DSP: variants seen among roughly 807,000 people sequenced by gnomAD.
The protein encoded by DSP is 250/210 kDa paraneoplastic pemphigus antigen.
In DSP, 114 loss-of-function variants were observed where a neutral mutation model predicts 290.6. The observed-to-expected ratio is 0.39, with a 90% confidence interval of 0.34 to 0.46. The LOEUF is 0.46. Ranked by LOEUF, DSP falls within the 20% of genes least tolerant of loss-of-function variation. The pLI is 0.99. For synonymous variants in DSP, 1,311 were observed against 1,316.4 expected (o/e 1.00, Z 0.09); for missense variants, 3,230 against 3,495.8 (o/e 0.92, Z 1.92).
chr6:7,557,670 GCT>G (rs1377724178), intron 2 of DSP, among the ~76,000 whole-genome samples: 1 of 151,936 alleles, frequency 6.6e-6, no homozygotes, highest in African/African-American at 2.4e-5. Context: ...ACAGAGCAAG[GCT>G]CTGTCTCAAA....
chr6:7,566,249 A>G (rs1398686777), intron 7 of DSP, 128 bp from the exon 8 acceptor site: 3 of 773,760 alleles, frequency 3.9e-6, no homozygotes, highest in African/African-American at 3.4e-5. Context: ...TGAGGAAAAC[A>G]GCGTGATTCT....
At chr6:7,557,350 C>T (rs1201911309) in intron 2 of DSP, among the ~76,000 whole-genome samples, 1 of 152,164 alleles carries the variant, frequency 6.6e-6, no homozygotes, top group African/African-American at 2.4e-5. Flanking sequence ...TTGATTGGCC[C>T]AATACAGTTA....
In DSP at chr6:7,582,785, A is replaced by C. The variant is rs730882116; in HGVS notation, c.5523A>C (p.Ser1841=). The change falls in exon 24 of 24, where the codon TCA becomes TCC. Residue 1841 remains serine, a synonymous_variant. Transcript: ENST00000379802. The surrounding 1 kb of genome is among the most constrained non-coding windows in gnomAD (Gnocchi z 4.2). Reference sequence around the variant, plus strand: ...AGGATGAGCTGAATCGTGCAAAATCAACTCTAGAGGCAGAAACCAGGGTGA... The same window carrying C: ...AGGATGAGCTGAATCGTGCAAAATCCACTCTAGAGGCAGAAACCAGGGTGA... ...RLEDELNRAK[S]TLEAETRVKQ... is the part of the protein sequence containing the mutation. 8.9e-5 allele frequency: 144 copies of C among 1,613,916 alleles called. No homozygotes were observed. Among genetic ancestry groups the C allele is most frequent in the Non-Finnish European group, 1.1e-4 (129 of 1,180,000 alleles).
Position 7,577,844 on chromosome 6 carries a change from G to A in DSP, c.2943G>A (p.Lys981=), listed in dbSNP as rs1759289123. 1 of 1,614,048 alleles carries A rather than the reference G, an allele frequency of 6.2e-7. No homozygotes were observed. The highest frequency in any genetic ancestry group is 1.7e-5 in the Admixed American group (1 of 59,998). The change falls in exon 21 of 24, where the codon AAG becomes AAA. Residue 981 remains lysine (K), a synonymous_variant. Coordinates refer to ENST00000379802, the MANE Select transcript of DSP (RefSeq NM_004415.4). Reference sequence around the variant, plus strand: ...AAACTCTGCTGAACATACCTATCAAGAGGACCATGATTCAGTCCCCTTCTG... The same window carrying A: ...AAACTCTGCTGAACATACCTATCAAAAGGACCATGATTCAGTCCCCTTCTG... The part of the protein sequence containing the change: ...GLETLLNIPI[K]RTMIQSPSGV...
At chr6:7,555,964 A>C (rs1758496751) in intron 2 of DSP, 144 bp downstream of exon 2, 2 of 742,462 alleles carry the variant, frequency 2.7e-6, no homozygotes, top group Non-Finnish European at 4.7e-6. Context: ...CAGACTACAG[A>C]GAGATGTGTG....
At chr6:7,573,286 A>G (rs1759117118) in intron 15 of DSP, among the ~76,000 whole-genome samples, 1 of 152,168 alleles carries the variant, frequency 6.6e-6, no homozygotes. Context: ...TAAAAAAGAA[A>G]GAGATCCTGG....
Position 7,565,589 on chromosome 6 carries a change from G to A in DSP, c.939+69G>A. 1.3e-6 allele frequency: 2 copies of A among 1,576,828 alleles called. No homozygotes were observed. Among genetic ancestry groups the A allele is most frequent in the Non-Finnish European group, 1.7e-6 (2 of 1,148,234 alleles). On this transcript the variant is annotated intron_variant, in intron 7 of 23. Transcript: ENST00000379802. The surrounding 1 kb of genome is among the most constrained non-coding windows in gnomAD (Gnocchi z 4.2). ...TTGCCTTGAAGAGCTGGGGTCTCGGGGAATGATTGGTCTATTAATAATTTA... is the reference window on the plus strand; with the variant it reads ...TTGCCTTGAAGAGCTGGGGTCTCGGAGAATGATTGGTCTATTAATAATTTA...
intron 1 of DSP, among the ~76,000 whole-genome samples, chr6:7,543,536 A>G (rs909034525): frequency 2.6e-5 from 4 of 151,628 alleles, no homozygotes; most frequent in African/African-American, 7.3e-5. Flanking sequence ...TTTTCATTAC[A>G]TTTGTTTTAA....
At chr6:7,564,882 C>T (rs952592823) in intron 6 of DSP, among the ~76,000 whole-genome samples, 18 of 152,124 alleles carry the variant, frequency 1.2e-4, no homozygotes, top group African/African-American at 4.1e-4. Flanking sequence ...TGGTGGCTCA[C>T]GCCCATAATT....
chr6:7,575,513 TC>T lies in DSP; in HGVS notation c.2630+29del, dbSNP rs776595278. 4.6e-5 allele frequency: 75 copies of T among 1,613,600 alleles called. No homozygotes were observed. In the East Asian group the frequency reaches 1.4e-3, roughly 29 times the overall value. ...GGTATGCCAGCCTCCTCCCGCTCCT[TC>T]CCCATCTTCTCCCCTTTTGGTTGTT... On this transcript the variant is annotated intron_variant, in intron 18 of 23. Coordinates refer to ENST00000379802, the MANE Select transcript of DSP (RefSeq NM_004415.4).
At chr6:7,542,215 T>G in intron 1 of DSP, 130 bp downstream of exon 1, 6 of 1,268,108 alleles carry the variant, frequency 4.7e-6, no homozygotes, top group Non-Finnish European at 6.5e-6. Context: ...CCGAAAGAAC[T>G]TCCCGGCCGC....
rs1759358921 is a variant in DSP, at chr6:7,579,744, A to G, written c.3554A>G (p.Lys1185Arg). 1 of 1,613,666 alleles carries G rather than the reference A, an allele frequency of 6.2e-7. No individual in the cohort carries two copies. The highest frequency in any genetic ancestry group is 1.7e-5 in the Admixed American group (1 of 59,990). Residue 1185 changes from lysine to arginine, a missense_variant, in exon 23 of 24, where the codon AAG (lysine) becomes AGG (arginine). Lys to Arg is a conservative substitution (Grantham distance 26). Around this residue, in one of 5 missense-constraint regions of DSP, gnomAD observed 1,714 missense variants for 1,844.5 expected, o/e 0.93. Transcript: ENST00000379802. The surrounding 1 kb of genome is among the most constrained non-coding windows in gnomAD (Gnocchi z 4.1). The stretch of plus-strand genomic sequence containing the variant: ...CTACTGCAGGAAGAAGGCACCCGGA[A>G]GAGAGAATATGAAAATGAGCTGGCA... ...RVLLQEEGTR[K>R]REYENELAKV...
chr6:7,585,942 A>G lies in DSP; in HGVS notation c.*64A>G, dbSNP rs930061111. On this transcript the variant is annotated 3_prime_UTR_variant, in exon 24 of 24. Coordinates refer to ENST00000379802, the MANE Select transcript of DSP (RefSeq NM_004415.4). ...TATATGAATTTCCACTTTATTAAAT[A>G]ATAGAAAAGAAAATCCCGGTGCTTG... The G allele has an allele frequency of 6.6e-7, 1 of 1,515,854 alleles. No homozygotes were observed. The highest frequency in any genetic ancestry group is 1.7e-5 in the Admixed American group (1 of 58,916). 93.9% of individuals were successfully genotyped at this position (1,515,854 alleles called of 1,614,324 possible).
chr6:7,551,553 C>T (rs1758342414), intron 1 of DSP, among the ~76,000 whole-genome samples: 1 of 151,994 alleles, frequency 6.6e-6, no homozygotes, highest in Admixed American at 6.6e-5. Context: ...TCACTTGAAC[C>T]CAGGATGTGG....
rs770522444 is a variant in DSP, at chr6:7,583,057, G to A, written c.5795G>A (p.Arg1932His). 58 of 1,613,908 alleles carry A rather than the reference G, an allele frequency of 3.6e-5. No individual in the cohort carries two copies. The highest frequency in any genetic ancestry group is 6.7e-5 in the African/African-American group (5 of 74,860). The change falls in exon 24 of 24, where the codon CGC (arginine) becomes CAC (histidine). Residue 1932 changes from arginine to histidine, a missense_variant. Arg to His is a conservative substitution (Grantham distance 29, BLOSUM62 0). This residue lies in a region of DSP where 1,714 missense variants were observed against 1,844.5 expected (regional missense o/e 0.93). Coordinates refer to ENST00000379802, the MANE Select transcript of DSP (RefSeq NM_004415.4). This position sits in a 1 kb window ranked among gnomAD's most constrained non-coding sequence, Gnocchi z 4.0. The part of the protein sequence containing the change: ...RETQSQLETE[R>H]SRYQREIDKL... ...ACACAGTCACAGTTAGAAACAGAAC[G>A]CTCCCGATATCAGAGGGAGATTGAT...
intron 1 of DSP, among the ~76,000 whole-genome samples, chr6:7,552,540 G>C (rs1020610614): frequency 6.8e-6 from 1 of 147,544 alleles, no homozygotes. Flanking sequence ...TCCAGCCTGG[G>C]TGACAGAGCA....
intron 15 of DSP, among the ~76,000 whole-genome samples, chr6:7,572,822 A>G (rs1759096563): frequency 6.6e-6 from 1 of 152,194 alleles, no homozygotes; most frequent in Non-Finnish European, 1.5e-5. Flanking sequence ...ACTTACACAA[A>G]CCTAGATGGT....
intron 1 of DSP, 44 bp downstream of exon 1, chr6:7,542,129 C>T: frequency 6.5e-7 from 1 of 1,548,554 alleles, no homozygotes; most frequent in South Asian, 1.2e-5. Flanking sequence ...GCTCGCGGGA[C>T]AGGGAGGGAC....
rs181622297 is a variant in DSP, at chr6:7,553,127, G to C, written c.171-2591G>C. Among the ~76,000 whole-genome samples, 4 of 152,030 alleles carry C rather than the reference G, an allele frequency of 2.6e-5. 1 individual carries two copies. Among genetic ancestry groups the C allele is most frequent in the African/African-American group, 9.7e-5 (4 of 41,392 alleles). ...TGTATACCCTCACCCAGTTTCCCAT[G>C]CCTCCATCATTTTATTTTTTTTTAA... is the stretch of plus-strand genomic sequence containing the variant. On this transcript the variant is annotated intron_variant, in intron 1 of 23. Coordinates refer to ENST00000379802, the MANE Select transcript of DSP (RefSeq NM_004415.4).
Sources: allele counts gnomAD v4.1 joint callset (sites outside exome capture counted in the v4.1 genomes callset), GRCh38; gene constraint gnomAD v4.1.1; regional missense constraint gnomAD v4.1.1; non-coding constraint Gnocchi (gnomAD v3.1); transcripts MANE v1.5; gene names NCBI Gene and HGNC (gene_info 2026-07-23, HGNC 2026-07-21).